The following FAM153A variants were observed in gnomAD, a reference collection of about 807,000 sequenced individuals.
FAM153A encodes the protein family with sequence similarity 153 member A.
FAM153A carries 12 observed loss-of-function variants against 48.1 expected under a neutral mutation model. That is an observed-to-expected ratio of 0.25 (90% CI 0.16 to 0.40). The LOEUF (loss-of-function observed/expected upper bound fraction) is 0.40. Ranked by LOEUF, FAM153A falls within the 10% of genes least tolerant of loss-of-function variation. The pLI is 1.00. For synonymous variants in FAM153A, 36 were observed against 118.2 expected, an observed-to-expected ratio of 0.30 and a Z score of 4.51; for missense variants, 111 against 345.8, an observed-to-expected ratio of 0.32 and a Z score of 5.38.
chr5:177,759,259 C>G (rs1299443321), intron 1 of FAM153A, among the ~76,000 whole-genome samples: 3 of 151,244 alleles, frequency 2.0e-5, no homozygotes, highest in Non-Finnish European at 4.4e-5. Context: ...AAATCAAAAC[C>G]ACAATGACAT....
At chr5:177,705,936 G>A (rs1326246662), downstream of FAM153A, among the ~76,000 whole-genome samples, 3 of 151,490 alleles carry the variant, frequency 2.0e-5, no homozygotes, top group East Asian at 1.9e-4. Context: ...GGGATTATAG[G>A]CGTGAGCCAC....
At chr5:177,696,155 C>CT in the FAM153A span, among the ~76,000 whole-genome samples, 15 of 97,880 alleles carry the variant, frequency 1.5e-4, no homozygotes, top group Admixed American at 3.6e-4. Context: ...GGGGTGGCGG[C>CT]TGGGCAGAGG....
intron 10 of FAM153A, among the ~76,000 whole-genome samples, chr5:177,738,895 G>A: frequency 6.6e-6 from 1 of 151,062 alleles, no homozygotes; most frequent in Admixed American, 6.6e-5. Flanking sequence ...CCACCTTGAT[G>A]CACCTCATTC....
chr5:177,759,005 C>G (rs1768035955), intron 1 of FAM153A, among the ~76,000 whole-genome samples: 1 of 151,680 alleles, frequency 6.6e-6, no homozygotes, highest in Non-Finnish European at 1.5e-5. Flanking sequence ...AGCTTCTGCA[C>G]AGAAAAGAAA....
intron 14 of FAM153A, among the ~76,000 whole-genome samples, chr5:177,732,580 G>C (rs1846659): frequency 1.2e-5 from 1 of 84,492 alleles, no homozygotes; most frequent in Non-Finnish European, 2.4e-5. Flanking sequence ...GTGCCATCTC[G>C]ACCCACCACA....
At chr5:177,701,226 A>C in the FAM153A span, among the ~76,000 whole-genome samples, 1 of 151,966 alleles carries the variant, frequency 6.6e-6, no homozygotes, top group South Asian at 2.1e-4. Context: ...CTTCCTGTAC[A>C]GCCTGTAAAA....
At chr5:177,701,032 A>G in the FAM153A span, among the ~76,000 whole-genome samples, 4 of 151,892 alleles carry the variant, frequency 2.6e-5, no homozygotes, top group South Asian at 2.1e-4. Context: ...ATGGTTTAGT[A>G]CAATCCCCTT....
chr5:177,757,471 A>T (rs1767849390), upstream of FAM153A, among the ~76,000 whole-genome samples: 1 of 122,758 alleles, frequency 8.1e-6, no homozygotes, highest in South Asian at 3.0e-4. Context: ...TCTCTAACTC[A>T]TTTTATGAGG....
At chr5:177,738,472 G>A (rs1161766063) in intron 10 of FAM153A, among the ~76,000 whole-genome samples, 1 of 151,288 alleles carries the variant, frequency 6.6e-6, no homozygotes, top group Admixed American at 6.6e-5. Context: ...GATTTCTGAA[G>A]GCCATCCAAC....
At chr5:177,710,855 C>T (rs1160559856), downstream of FAM153A, among the ~76,000 whole-genome samples, 8 of 149,424 alleles carry the variant, frequency 5.4e-5, no homozygotes, top group Admixed American at 1.3e-4. Flanking sequence ...CGGGGTTTCA[C>T]CATGTTGGCC....
At chr5:177,695,715 T>C in the FAM153A span, among the ~76,000 whole-genome samples, 5 of 151,596 alleles carry the variant, frequency 3.3e-5, no homozygotes, top group African/African-American at 9.7e-5. Flanking sequence ...TTTCCCCCTT[T>C]CTTTTAGACA....
chr5:177,778,105 C>A (rs1769370696), intron 1 of FAM153A, among the ~76,000 whole-genome samples: 1 of 19,798 alleles, frequency 5.1e-5, no homozygotes. Context: ...ACTCTGGGGA[C>A]TGTGGTGGGG....
At chr5:177,696,280 A>T in the FAM153A span, among the ~76,000 whole-genome samples, 1 of 91,030 alleles carries the variant, frequency 1.1e-5, no homozygotes, top group African/African-American at 4.4e-5. Context: ...AGGCAGGGGC[A>T]CTCCCCACTT....
downstream of FAM153A, among the ~76,000 whole-genome samples, chr5:177,710,584 G>A (rs1162966879): frequency 6.7e-6 from 1 of 149,786 alleles, no homozygotes; most frequent in Non-Finnish European, 1.5e-5. Flanking sequence ...TCCAATGTAA[G>A]CTTGTTATTC....
chr5:177,734,780 G>T, intron 13 of FAM153A, 83 bp downstream of exon 15: 3 of 1,610,594 alleles, frequency 1.9e-6, no homozygotes. Context: ...TATATCTTCA[G>T]ATTCTCATAT....
At chr5:177,701,550 G>C in the FAM153A span, among the ~76,000 whole-genome samples, 1 of 151,516 alleles carries the variant, frequency 6.6e-6, no homozygotes, top group South Asian at 2.1e-4. Flanking sequence ...GGGTGACAGA[G>C]TGAGACTGTC....
At chr5:177,715,592 C>T (rs1759546908) in intron 25 of FAM153A, among the ~76,000 whole-genome samples, 1 of 151,654 alleles carries the variant, frequency 6.6e-6, no homozygotes, top group Non-Finnish European at 1.5e-5. Context: ...CCTCAGCTGC[C>T]AGAGGCCAGC....
intron 18 of FAM153A, among the ~76,000 whole-genome samples, chr5:177,728,545 G>C (rs1388776314): frequency 8.3e-6 from 1 of 120,224 alleles, no homozygotes; most frequent in Non-Finnish European, 1.8e-5. Flanking sequence ...CTCTTAGTTT[G>C]TTGGGGTGTT....
chr5:177,759,738 C>T (rs891741957), intron 1 of FAM153A, among the ~76,000 whole-genome samples: 2 of 151,228 alleles, frequency 1.3e-5, no homozygotes, highest in African/African-American at 2.5e-5. Context: ...ACCACATGTT[C>T]TCACTCATAG....
Sources: gnomAD v4.1 joint callset for allele counts (sites outside exome capture counted in the v4.1 genomes callset) on GRCh38, gnomAD v4.1.1 for gene constraint, MANE v1.5 for transcripts, NCBI Gene and HGNC (gene_info 2026-07-23, HGNC 2026-07-21) for gene names.